Variants in MIPEP observed in about 807,000 individuals in gnomAD.
MIPEP encodes mitochondrial intermediate peptidase.
MIPEP carries 79 observed loss-of-function variants against 90.3 expected under a neutral mutation model. The observed-to-expected ratio is 0.87, with a 90% CI of 0.73 to 1.05. The LOEUF (loss-of-function observed/expected upper bound fraction) is 1.05, where lower values mean the gene tolerates loss of function less well. Among genes scored for constraint, MIPEP ranks in the 50% least tolerant of loss-of-function variants. The pLI, the probability that MIPEP is intolerant of heterozygous loss-of-function variation, is 0.00. For synonymous variants in MIPEP, 334 were observed against 315.8 expected (o/e 1.06, Z -0.61); for missense variants, 940 against 905.6 (o/e 1.04, Z -0.49).
intron 2 of MIPEP, among the ~76,000 whole-genome samples, chr13:23,884,550 G>A (rs1397380369): frequency 6.6e-6 from 1 of 152,140 alleles, no homozygotes; most frequent in Non-Finnish European, 1.5e-5. Flanking sequence ...CCACACGCTG[G>A]CCAGCTGACA....
At chr13:23,803,406 GAA>G (rs969052740) in intron 16 of MIPEP, among the ~76,000 whole-genome samples, 7 of 151,808 alleles carry the variant, frequency 4.6e-5, no homozygotes, top group African/African-American at 1.7e-4. Flanking sequence ...CTATCAAAAA[GAA>G]AAAATTCTTT....
chr13:23,756,572 C>T lies in MIPEP; in HGVS notation c.2017G>A (p.Gly673Ser). The change falls in exon 18 of 19, where the codon GGC (glycine) becomes AGC (serine). Residue 673 changes from glycine (G) to serine (S), a missense_variant. Physicochemically the swap from Gly to Ser is moderately conservative, Grantham distance 56. Coordinates refer to ENST00000382172, the MANE Select transcript of MIPEP (RefSeq NM_005932.4). ...YRREMLAHGG[G>S]REPMLMVEGM... The stretch of plus-strand genomic sequence containing the variant: ...TCAACCATGAGCATGGGCTCCCTGC[C>T]TCCACCGTGGGCCAGCATCTCCCTG... 1 of 1,614,036 alleles carries T rather than the reference C, an allele frequency of 6.2e-7. No individual in the cohort carries two copies. The highest frequency in any genetic ancestry group is 1.3e-5 in the African/African-American group (1 of 75,072).
At chr13:23,731,793 T>A (rs1444809280) in intron 18 of MIPEP, among the ~76,000 whole-genome samples, 2 of 152,230 alleles carry the variant, frequency 1.3e-5, no homozygotes, top group Non-Finnish European at 2.9e-5. Flanking sequence ...TATGTTTTTT[T>A]AAATTACAAA....
intron 16 of MIPEP, among the ~76,000 whole-genome samples, chr13:23,790,626 G>A (rs1231982628): frequency 6.6e-6 from 1 of 152,234 alleles, no homozygotes; most frequent in Non-Finnish European, 1.5e-5. Flanking sequence ...AGAGAATGCA[G>A]CCTGTGGCCC....
intron 14 of MIPEP, among the ~76,000 whole-genome samples, chr13:23,833,247 T>A (rs995045377): frequency 1.8e-4 from 27 of 152,140 alleles, no homozygotes; most frequent in African/African-American, 6.5e-4. Flanking sequence ...TTAAAAAAAA[T>A]AAATAAAATA....
At chr13:23,740,945 T>C (rs2138488606) in intron 18 of MIPEP, among the ~76,000 whole-genome samples, 1 of 152,348 alleles carries the variant, frequency 6.6e-6, no homozygotes, top group East Asian at 1.9e-4. Context: ...GTTCATGGAC[T>C]GGGTGTCCAA....
At chr13:23,764,025 A>G (rs1031353798) in intron 16 of MIPEP, among the ~76,000 whole-genome samples, 1 of 152,228 alleles carries the variant, frequency 6.6e-6, no homozygotes, top group Non-Finnish European at 1.5e-5. Context: ...TGGAATTATG[A>G]TATCCTCTTC....
chr13:23,820,217 G>A (rs1023024351), intron 14 of MIPEP, among the ~76,000 whole-genome samples: 3 of 152,132 alleles, frequency 2.0e-5, no homozygotes, highest in Non-Finnish European at 2.9e-5. Context: ...TCCAACTCTC[G>A]TGCTTGTGTT....
At chr13:23,740,123 C>T (rs1240405218) in intron 18 of MIPEP, among the ~76,000 whole-genome samples, 1 of 152,180 alleles carries the variant, frequency 6.6e-6, no homozygotes, top group Non-Finnish European at 1.5e-5. Context: ...AACCACCATA[C>T]TACACACAGG....
intron 18 of MIPEP, among the ~76,000 whole-genome samples, chr13:23,748,626 C>T (rs1952408289): frequency 6.6e-6 from 1 of 152,192 alleles, no homozygotes; most frequent in Admixed American, 6.5e-5. Flanking sequence ...TTTAAATCAT[C>T]TTATCTTTTA....
intron 14 of MIPEP, 29 bp downstream of exon 14, chr13:23,836,211 G>C: frequency 7.0e-7 from 1 of 1,433,228 alleles, no homozygotes; most frequent in Non-Finnish European, 9.5e-7. Context: ...ACAACCCAAA[G>C]GACAAGACGA....
intron 16 of MIPEP, among the ~76,000 whole-genome samples, chr13:23,787,613 C>T (rs1952860376): frequency 6.6e-6 from 1 of 152,176 alleles, no homozygotes. Flanking sequence ...GCAAATAACA[C>T]ACTTTCTCTT....
At chr13:23,747,990 C>T (rs552556118) in intron 18 of MIPEP, among the ~76,000 whole-genome samples, 2 of 152,272 alleles carry the variant, frequency 1.3e-5, no homozygotes, top group South Asian at 2.1e-4. Flanking sequence ...CAGCCCGCCT[C>T]GGCTTCCCAA....
At chr13:23,788,399 C>T (rs558232963) in intron 16 of MIPEP, among the ~76,000 whole-genome samples, 6 of 152,330 alleles carry the variant, frequency 3.9e-5, no homozygotes, top group African/African-American at 1.2e-4. Context: ...GGGCCCGTCT[C>T]GCACTATCAG....
In MIPEP at chr13:23,886,325, C is replaced by T. The variant is rs1442899418; in HGVS notation, c.363+8G>A. 2.7e-6 allele frequency: 4 copies of T among 1,502,884 alleles called. No individual in the cohort carries two copies. In the South Asian group the frequency reaches 5.6e-5, roughly 21 times the overall value. The allele number at this position is 1,502,884 out of a possible 1,614,324, so 93.1% of individuals were successfully genotyped here. A position where few individuals can be genotyped will look rare whatever the true frequency, so the allele number is the denominator to read the frequency against. On this transcript the variant is annotated splice_region_variant and intron_variant, in intron 2 of 18. Coordinates refer to ENST00000382172, the MANE Select transcript of MIPEP (RefSeq NM_005932.4). ...AGGTAGCTTCAAGTCTGAGGTAAAG[C>T]ACCTTACCAAGTCGGCCACTCTGCA...
chr13:23,876,168 G>A (rs1871065017), intron 4 of MIPEP, among the ~76,000 whole-genome samples: 3 of 152,070 alleles, frequency 2.0e-5, no homozygotes, highest in Admixed American at 6.5e-5. Context: ...CAATTTACCC[G>A]TAACTAGAGA....
At chr13:23,758,859 T>C (rs1282251582) in intron 17 of MIPEP, among the ~76,000 whole-genome samples, 1 of 152,208 alleles carries the variant, frequency 6.6e-6, no homozygotes, top group Non-Finnish European at 1.5e-5. Flanking sequence ...TGAGAAGACC[T>C]AGATTATAGT....
At chr13:23,813,393 G>A (rs1953195943) in intron 14 of MIPEP, among the ~76,000 whole-genome samples, 3 of 152,096 alleles carry the variant, frequency 2.0e-5, no homozygotes, top group Middle Eastern at 3.4e-3. Context: ...GAAATGATAC[G>A]GTATTTGCAT....
chr13:23,828,122 G>A (rs1412134313), intron 14 of MIPEP, among the ~76,000 whole-genome samples: 4 of 152,250 alleles, frequency 2.6e-5, no homozygotes, highest in African/African-American at 9.6e-5. Context: ...AAAAAACTAT[G>A]ATAAAATGCA....
Sources: gnomAD v4.1 joint callset for allele counts (sites outside exome capture counted in the v4.1 genomes callset) on GRCh38, gnomAD v4.1.1 for gene constraint, MANE v1.5 for transcripts, NCBI Gene and HGNC (gene_info 2026-07-23, HGNC 2026-07-21) for gene names.